Variants in FOXH1 observed in about 807,000 individuals in gnomAD.
FOXH1 encodes the protein forkhead box protein H1.
FOXH1 carries 10 observed loss-of-function variants against 14.2 expected under a neutral mutation model. The ratio of observed to expected loss-of-function variants is 0.70; its 90% confidence interval spans 0.43 to 1.19. The LOEUF is 1.19. Ranked by LOEUF, FOXH1 falls within the 50% of genes most tolerant of loss-of-function variation. The probability of loss-of-function intolerance (pLI) is 0.00; values close to 1 mark genes in which losing one functional copy is unlikely to be tolerated. For synonymous variants in FOXH1, 273 were observed against 209.5 expected, an observed-to-expected ratio of 1.30 and a Z score of -2.62; for missense variants, 643 against 492.1, an observed-to-expected ratio of 1.31 and a Z score of -2.90.
intron 1 of FOXH1, 104 bp from the exon 2 acceptor site, chr8:144,475,365 C>T (rs1270418178): frequency 9.8e-7 from 1 of 1,018,386 alleles, no homozygotes; most frequent in Non-Finnish European, 1.5e-6. Context: ...GGTGCCGGCC[C>T]CTGCTGTCCC....
chr8:144,473,489 C>G lies in FOXH1; in HGVS notation c.*749G>C. On this transcript the variant is annotated 3_prime_UTR_variant, in exon 3 of 3. Coordinates refer to ENST00000377317, the MANE Select transcript of FOXH1 (RefSeq NM_003923.3). ...CCCCGTCTCCCAGGGCACAAGCTCC[C>G]TAGCCTCTTTGGATCCATTGCCCCT... 33 of 1,435,392 alleles carry G rather than the reference C, an allele frequency of 2.3e-5. No homozygotes were observed. Among genetic ancestry groups the G allele is most frequent in the Non-Finnish European group, 3.0e-5 (33 of 1,097,102 alleles). The allele number at this position is 1,435,392 out of a possible 1,614,324, so 88.9% of individuals were successfully genotyped here. A position where few individuals can be genotyped will look rare whatever the true frequency, so the allele number is the denominator to read the frequency against.
At position 144,475,252 on chromosome 8, in the gene FOXH1, G is replaced by C. The variant is rs753288105; in HGVS notation, c.184C>G (p.Gln62Glu). The C allele has an allele frequency of 6.2e-7, 1 of 1,612,776 alleles. No individual in the cohort carries two copies. ...RRLKLAQIIR[Q>E]VQAVFPFFRE... ...AAGAAGGGGAACACGGCCTGGACCT[G>C]ACGGATGATCTGAAACCGCCAGGCG... The change falls in exon 2 of 3, where the codon CAG becomes GAG. Residue 62 changes from glutamine to glutamate, a missense_variant. Physicochemically the swap from Gln to Glu is conservative, Grantham distance 29 (BLOSUM62 2). Coordinates refer to ENST00000377317, the MANE Select transcript of FOXH1 (RefSeq NM_003923.3).
Position 144,474,582 on chromosome 8 carries a change from G to T in FOXH1, c.754C>A (p.Leu252Ile). 2.5e-6 allele frequency: 4 copies of T among 1,610,000 alleles called. No homozygotes were observed. Among genetic ancestry groups the T allele is most frequent in the Non-Finnish European group, 3.4e-6 (4 of 1,179,456 alleles). The change falls in exon 3 of 3, where the codon CTC becomes ATC. Residue 252 changes from leucine to isoleucine, a missense_variant. Physicochemically the swap from Leu to Ile is conservative, Grantham distance 5. Coordinates refer to ENST00000377317, the MANE Select transcript of FOXH1 (RefSeq NM_003923.3). ...TLSPEPRAWP[L>I]HLLQGTAVPG... ...ACTGCGGTGCCCTGCAGTAAGTGGAGAGGCCAGGCCCTAGGCTCTGGGGAG... is the reference window on the plus strand; with the variant it reads ...ACTGCGGTGCCCTGCAGTAAGTGGATAGGCCAGGCCCTAGGCTCTGGGGAG...
At chr8:144,475,375 C>G in intron 1 of FOXH1, 114 bp from the exon 2 acceptor site, 1 of 998,926 alleles carries the variant, frequency 1.0e-6, no homozygotes, top group South Asian at 1.4e-5. Flanking sequence ...CCTGCTGTCC[C>G]CGAAGAAGGA....
rs1233160091 is a variant in FOXH1 at position 144,475,070 on chromosome 8, T to A, written c.280-14A>T. ...GTCCTTGGGCACCTGGGTGTGGGGGTCAGACATGGGTGGGGCTGCCCAACC... is the reference window on the plus strand; with the variant it reads ...GTCCTTGGGCACCTGGGTGTGGGGGACAGACATGGGTGGGGCTGCCCAACC... On this transcript the variant is annotated splice_polypyrimidine_tract_variant and intron_variant, in intron 2 of 2. Coordinates refer to ENST00000377317, the MANE Select transcript of FOXH1 (RefSeq NM_003923.3). 4 of 1,599,690 alleles carry A rather than the reference T, an allele frequency of 2.5e-6. No homozygotes were observed. The highest frequency in any genetic ancestry group is 8.5e-7 in the Non-Finnish European group (1 of 1,173,396).
Position 144,474,820 on chromosome 8 carries a change from C to A in FOXH1, c.516G>T (p.Leu172=). Reference sequence around the variant, plus strand: ...GTGCCCCCTCCCCGGACCCTCCTAGCAGGGACTTGATGCTGAAGCCCTCAC... The same window carrying A: ...GTGCCCCCTCCCCGGACCCTCCTAGAAGGGACTTGATGCTGAAGCCCTCAC... The part of the protein sequence containing the change: ...PPSEGFSIKS[L]LGGSGEGAPW... Residue 172 remains leucine (L), a synonymous_variant, in exon 3 of 3, where the codon CTG becomes CTT. Coordinates refer to ENST00000377317, the MANE Select transcript of FOXH1 (RefSeq NM_003923.3). 6.2e-7 allele frequency: 1 copy of A among 1,611,492 alleles called. No homozygotes were observed. Among genetic ancestry groups the A allele is most frequent in the Non-Finnish European group, 8.5e-7 (1 of 1,179,474 alleles).
At position 144,475,128 on chromosome 8, in the gene FOXH1, C is replaced by A. The variant is rs369552725; in HGVS notation, c.279+29G>T. The A allele has an allele frequency of 3.1e-6, 5 of 1,610,072 alleles. No homozygotes were observed. The African/African-American group carries it at 6.7e-5, about 22-fold the overall frequency. ...CTCAGGACTTCCGCGCGCGCTCCGC[C>A]CCCGGGCTCCGACCCTGGCCTGCCC... On this transcript the variant is annotated intron_variant, in intron 2 of 2. Coordinates refer to ENST00000377317, the MANE Select transcript of FOXH1 (RefSeq NM_003923.3).
chr8:144,475,261 T>G lies in FOXH1; in HGVS notation c.175A>C (p.Ile59Leu). The change falls in exon 2 of 3, where the codon ATC (isoleucine) becomes CTC (leucine). Residue 59 changes from isoleucine (I) to leucine (L), a missense_variant and splice_region_variant. Ile to Leu is a conservative substitution (Grantham distance 5). Transcript: ENST00000377317. ...APSRRLKLAQ[I>L]IRQVQAVFPF... ...AACACGGCCTGGACCTGACGGATGATCTGAAACCGCCAGGCGGCCGGCCGG... is the reference window on the plus strand; with the variant it reads ...AACACGGCCTGGACCTGACGGATGAGCTGAAACCGCCAGGCGGCCGGCCGG... The G allele has an allele frequency of 6.2e-7, 1 of 1,611,750 alleles. No individual in the cohort carries two copies. The highest frequency in any genetic ancestry group is 8.5e-7 in the Non-Finnish European group (1 of 1,178,964).
Position 144,473,684 on chromosome 8 carries a change from A to G in FOXH1, c.*554T>C. ...GCAGGGAATCCCAGGCCCCCCCGCC[A>G]AGTGGTTACCCAAGTCACCACTCCT... On this transcript the variant is annotated 3_prime_UTR_variant, in exon 3 of 3. Transcript: ENST00000377317. 1 of 485,266 alleles carries G rather than the reference A, an allele frequency of 2.1e-6. No homozygotes were observed. Among genetic ancestry groups the G allele is most frequent in the Non-Finnish European group, 3.5e-6 (1 of 281,722 alleles). 30.1% of individuals were successfully genotyped at this position (485,266 alleles called of 1,614,324 possible). A position where few individuals can be genotyped will look rare whatever the true frequency, so the allele number is the denominator to read the frequency against.
rs1440521158 is a variant in FOXH1 at position 144,474,189 on chromosome 8, A to G, written c.*49T>C. The G allele has an allele frequency of 3.5e-6, 5 of 1,413,924 alleles. No individual in the cohort carries two copies. The highest frequency in any genetic ancestry group is 4.8e-6 in the Non-Finnish European group (5 of 1,049,046). The allele number at this position is 1,413,924 out of a possible 1,614,324, so 87.6% of individuals were successfully genotyped here. A position where few individuals can be genotyped will look rare whatever the true frequency, so the allele number is the denominator to read the frequency against. The stretch of plus-strand genomic sequence containing the variant: ...CGCCTCGCCTTGGCTCCCTGTCAAC[A>G]AGGTGGGGGTGGGAGCGGGAGGGAG... On this transcript the variant is annotated 3_prime_UTR_variant, in exon 3 of 3. Coordinates refer to ENST00000377317, the MANE Select transcript of FOXH1 (RefSeq NM_003923.3).
Position 144,473,804 on chromosome 8 carries a change from C to CTA in FOXH1, c.*432_*433dup. 1 of 369,592 alleles carries CTA rather than the reference C, an allele frequency of 2.7e-6. No homozygotes were observed. The highest frequency in any genetic ancestry group is 4.7e-5 in the East Asian group (1 of 21,164). The allele number at this position is 369,592 out of a possible 1,614,324, so 22.9% of individuals were successfully genotyped here. ...CCATGTAGGGTGCAGTCTTTACTCC[C>CTA]TAACCCGTTTCCCGAAAAAGGTGCT... On this transcript the variant is annotated 3_prime_UTR_variant, in exon 3 of 3. Coordinates refer to ENST00000377317, the MANE Select transcript of FOXH1 (RefSeq NM_003923.3).
rs1475836790 is a variant in FOXH1, at chr8:144,475,691, C to T, written c.66G>A (p.Lys22=). 2.1e-6 allele frequency: 3 copies of T among 1,423,620 alleles called. No individual in the cohort carries two copies. Among genetic ancestry groups the T allele is most frequent in the South Asian group, 1.6e-5 (1 of 61,070 alleles). 88.2% of individuals were successfully genotyped at this position (1,423,620 alleles called of 1,614,324 possible). Reference sequence around the variant, plus strand: ...GTCGCAGGTACCTCTTCTTCCTCCTCTTAGGGGGCTGGGAGGGCGACTCTG... The same window carrying T: ...GTCGCAGGTACCTCTTCTTCCTCCTTTTAGGGGGCTGGGAGGGCGACTCTG... The part of the protein sequence containing the change: ...PEAESPSQPP[K]RRKKRYLRHD... The change falls in exon 1 of 3, where the codon AAG becomes AAA. Residue 22 remains lysine, a synonymous_variant. Transcript: ENST00000377317.
chr8:144,475,658 C>A lies in FOXH1; in HGVS notation c.99G>T (p.Lys33Asn). The change falls in exon 1 of 3, where the codon AAG becomes AAT. Residue 33 changes from lysine to asparagine, a missense_variant. Coordinates refer to ENST00000377317, the MANE Select transcript of FOXH1 (RefSeq NM_003923.3). Reference protein sequence around the residue: ...RRKKRYLRHDKPPYTYLAMIA... With the variant: ...RRKKRYLRHDNPPYTYLAMIA... ...TCATGGCCAAGTAGGTGTAGGGGGGCTTGTCATGTCGCAGGTACCTCTTCT... is the reference window on the plus strand; with the variant it reads ...TCATGGCCAAGTAGGTGTAGGGGGGATTGTCATGTCGCAGGTACCTCTTCT... The A allele has an allele frequency of 7.1e-7, 1 of 1,417,042 alleles. No homozygotes were observed. Among genetic ancestry groups the A allele is most frequent in the Non-Finnish European group, 9.2e-7 (1 of 1,082,716 alleles). The allele number at this position is 1,417,042 out of a possible 1,614,324, so 87.8% of individuals were successfully genotyped here.
At chr8:144,475,464 G>T in intron 1 of FOXH1, 119 bp downstream of exon 1, 4 of 893,158 alleles carry the variant, frequency 4.5e-6, no homozygotes, top group South Asian at 1.7e-5. Flanking sequence ...CAGCTCTCAG[G>T]ACTGGTCCCA....
Position 144,475,629 on chromosome 8 carries a change from G to T in FOXH1, c.128C>A (p.Ala43Asp). ...KPPYTYLAMI[A>D]LVIQAAPSRR... ...GGAGGGAGCGGCCTGAATCACCAAG[G>T]CGATCATGGCCAAGTAGGTGTAGGG... is the stretch of plus-strand genomic sequence containing the variant. The change falls in exon 1 of 3, where the codon GCC (alanine) becomes GAC (aspartate). Residue 43 changes from alanine (A) to aspartate (D), a missense_variant. Transcript: ENST00000377317. 1 of 1,442,304 alleles carries T rather than the reference G, an allele frequency of 6.9e-7. No individual in the cohort carries two copies. Among genetic ancestry groups the T allele is most frequent in the Non-Finnish European group, 9.1e-7 (1 of 1,094,588 alleles). The allele number at this position is 1,442,304 out of a possible 1,614,324, so 89.3% of individuals were successfully genotyped here.
In FOXH1 at chr8:144,474,857, G is replaced by C. The variant is rs188883311; in HGVS notation, c.479C>G (p.Pro160Arg). ...GCTGAAGCCCTCACTGGGTGGTGGC[G>C]GGGGACTGGGCGGCCGGTATGGCCG... ...HGRPYRPPSPPPPPSEGFSIK... is the reference protein window; with the variant it reads ...HGRPYRPPSPRPPPSEGFSIK... The change falls in exon 3 of 3, where the codon CCG becomes CGG. Residue 160 changes from proline (P) to arginine (R), a missense_variant. Physicochemically the swap from Pro to Arg is moderately radical, Grantham distance 103 (BLOSUM62 -2). Coordinates refer to ENST00000377317, the MANE Select transcript of FOXH1 (RefSeq NM_003923.3). 1 of 1,611,568 alleles carries C rather than the reference G, an allele frequency of 6.2e-7. No individual in the cohort carries two copies. Among genetic ancestry groups the C allele is most frequent in the Non-Finnish European group, 8.5e-7 (1 of 1,179,742 alleles).
In FOXH1 at chr8:144,473,428, G is replaced by C. The variant is rs1337611201; in HGVS notation, c.*810C>G. On this transcript the variant is annotated 3_prime_UTR_variant, in exon 3 of 3. Coordinates refer to ENST00000377317, the MANE Select transcript of FOXH1 (RefSeq NM_003923.3). ...CCCTGCCCATGGGGTCTCAGGCCAG[G>C]TCTCTGCTGGCAGAGGCGGTAGTAA... 1.3e-6 allele frequency: 2 copies of C among 1,551,712 alleles called. No homozygotes were observed. The highest frequency in any genetic ancestry group is 2.4e-5 in the South Asian group (2 of 84,728).
In FOXH1 at chr8:144,475,028, G is replaced by A; in HGVS notation, c.308C>T (p.Ala103Val). 6.2e-7 allele frequency: 1 copy of A among 1,603,734 alleles called. No homozygotes were observed. The highest frequency in any genetic ancestry group is 8.5e-7 in the Non-Finnish European group (1 of 1,175,824). ...GTCGACCGCCCAGAAGTTGCCCTTG[G>A]CCTGGGGCTTTGCAGGGTCCTTGGG... is the stretch of plus-strand genomic sequence containing the variant. ...KVPKDPAKPQ[A>V]KGNFWAVDVS... Residue 103 changes from alanine (A) to valine (V), a missense_variant, in exon 3 of 3, where the codon GCC (alanine) becomes GTC (valine). By Grantham distance (64) the Ala-to-Val change is moderately conservative. Coordinates refer to ENST00000377317, the MANE Select transcript of FOXH1 (RefSeq NM_003923.3).
At position 144,474,967 on chromosome 8, in the gene FOXH1, C is replaced by A. The variant is rs1825098740; in HGVS notation, c.369G>T (p.Gln123His). ...SLIPAEALRL[Q>H]NTALCRRWQN... Reference sequence around the variant, plus strand: ...GCCAGCGCCGGCACAGGGCGGTGTTCTGCAGCCGGAGCGCCTCAGCTGGGA... The same window carrying A: ...GCCAGCGCCGGCACAGGGCGGTGTTATGCAGCCGGAGCGCCTCAGCTGGGA... The change falls in exon 3 of 3, where the codon CAG becomes CAT. Residue 123 changes from glutamine (Q) to histidine (H), a missense_variant. Coordinates refer to ENST00000377317, the MANE Select transcript of FOXH1 (RefSeq NM_003923.3). The A allele has an allele frequency of 3.1e-6, 5 of 1,607,658 alleles. No individual in the cohort carries two copies. Among genetic ancestry groups the A allele is most frequent in the Non-Finnish European group, 4.2e-6 (5 of 1,178,344 alleles).
Sources: gnomAD v4.1 joint callset for allele counts on GRCh38, gnomAD v4.1.1 for gene constraint, MANE v1.5 for transcripts, NCBI Gene and HGNC (gene_info 2026-07-23, HGNC 2026-07-21) for gene names.